Variants in ANGPT1 observed in about 807,000 individuals in gnomAD.
ANGPT1 encodes the protein angiopoietin 1.
ANGPT1 carries 17 observed loss-of-function variants against 62.2 expected under a neutral mutation model. The observed-to-expected ratio is 0.27, with a 90% confidence interval of 0.19 to 0.41. ANGPT1 has a LOEUF of 0.41. Ranked by LOEUF, ANGPT1 falls within the 10% of genes least tolerant of loss-of-function variation. The pLI is 1.00. For missense variants in ANGPT1, 478 were observed against 594.9 expected (o/e 0.80, Z 2.04); for synonymous variants, 199 against 198.9 (o/e 1.00, Z 0.00).
chr8:107,351,065 T>C (rs1158263769), intron 1 of ANGPT1, among the ~76,000 whole-genome samples: 1 of 152,152 alleles, frequency 6.6e-6, no homozygotes, highest in African/African-American at 2.4e-5. Context: ...ATGTGAATTT[T>C]AAGCCTAGAA....
chr8:107,453,798 TA>T (rs1172025114), intron 1 of ANGPT1, among the ~76,000 whole-genome samples: 1 of 151,832 alleles, frequency 6.6e-6, no homozygotes, highest in Non-Finnish European at 1.5e-5. Context: ...AAATGACTAT[TA>T]AATGAGGTGG....
In ANGPT1 at chr8:107,249,591, T is replaced by C. The variant is rs2129967209; in HGVS notation, c.*2264A>G. The C allele has an allele frequency of 6.9e-6, 1 of 144,878 alleles. No homozygotes were observed. Among genetic ancestry groups the C allele is most frequent in the Middle Eastern group, 4.0e-3 (1 of 252 alleles). The allele number at this position is 144,878 out of a possible 1,614,324, so 9.0% of individuals were successfully genotyped here. Reference sequence around the variant, plus strand: ...TTAAAGACAAAATTCGAATACCTAATTATCCTATTCTGAAACAATTAAAAG... The same window carrying C: ...TTAAAGACAAAATTCGAATACCTAACTATCCTATTCTGAAACAATTAAAAG... On this transcript the variant is annotated 3_prime_UTR_variant, in exon 9 of 9. Transcript: ENST00000517746.
At chr8:107,454,103 T>C (rs1363542740) in intron 1 of ANGPT1, among the ~76,000 whole-genome samples, 1 of 152,088 alleles carries the variant, frequency 6.6e-6, no homozygotes, top group Admixed American at 6.6e-5. Context: ...CCTAAAGTCC[T>C]ACCTATTTTC....
At chr8:107,390,620 G>A (rs550287400) in intron 1 of ANGPT1, among the ~76,000 whole-genome samples, 1 of 152,262 alleles carries the variant, frequency 6.6e-6, no homozygotes, top group African/African-American at 2.4e-5. Flanking sequence ...GGTACAGGAT[G>A]ATCAGAAAAT....
At chr8:107,475,154 T>C (rs1812482126) in intron 1 of ANGPT1, among the ~76,000 whole-genome samples, 1 of 152,136 alleles carries the variant, frequency 6.6e-6, no homozygotes, top group African/African-American at 2.4e-5. Flanking sequence ...AGAACAAAGC[T>C]GGAGGCATCA....
chr8:107,282,120 C>T (rs777554807), intron 7 of ANGPT1, among the ~76,000 whole-genome samples: 1 of 151,496 alleles, frequency 6.6e-6, no homozygotes, highest in Non-Finnish European at 1.5e-5. Flanking sequence ...TTTGAAAAAG[C>T]GAATAACACC....
intron 1 of ANGPT1, among the ~76,000 whole-genome samples, chr8:107,478,535 C>T (rs745966125): frequency 1.1e-4 from 16 of 151,884 alleles, no homozygotes; most frequent in Non-Finnish European, 2.1e-4. Context: ...GGCAACAGAG[C>T]GAGACTCCAT....
intron 1 of ANGPT1, among the ~76,000 whole-genome samples, chr8:107,411,985 T>C (rs1011919739): frequency 6.6e-6 from 1 of 152,194 alleles, no homozygotes; most frequent in Non-Finnish European, 1.5e-5. Context: ...TCTTGATTCT[T>C]ATTTGGGCTG....
chr8:107,463,132 C>T (rs1036075177), intron 1 of ANGPT1, among the ~76,000 whole-genome samples: 18 of 152,260 alleles, frequency 1.2e-4, no homozygotes, highest in Non-Finnish European at 4.4e-5. Context: ...TTCTGGTAGA[C>T]TCTTCACTGC....
At chr8:107,474,666 A>T (rs1356472322) in intron 1 of ANGPT1, among the ~76,000 whole-genome samples, 1 of 152,216 alleles carries the variant, frequency 6.6e-6, no homozygotes, top group South Asian at 2.1e-4. Context: ...AGATGACATG[A>T]TTGGATATCT....
Position 107,251,906 on chromosome 8 carries a change from G to A in ANGPT1, c.1446C>T (p.Pro482=). 2 of 1,613,936 alleles carry A rather than the reference G, an allele frequency of 1.2e-6. No individual in the cohort carries two copies. The highest frequency in any genetic ancestry group is 1.7e-6 in the Non-Finnish European group (2 of 1,179,874). ...NGIKWHYFKG[P]SYSLRSTTMM... ...TAGTTGTGGAACGTAAGGAGTAACTGGGCCCTTTGAAGTAGTGCCACTTTA... is the reference window on the plus strand; with the variant it reads ...TAGTTGTGGAACGTAAGGAGTAACTAGGCCCTTTGAAGTAGTGCCACTTTA... Residue 482 remains proline, a synonymous_variant, in exon 9 of 9, where the codon CCC becomes CCT. Coordinates refer to ENST00000517746, the MANE Select transcript of ANGPT1 (RefSeq NM_001146.5).
intron 4 of ANGPT1, among the ~76,000 whole-genome samples, chr8:107,303,715 T>A (rs1020252964): frequency 2.6e-5 from 4 of 151,836 alleles, no homozygotes; most frequent in African/African-American, 7.2e-5. Flanking sequence ...TCAAGTTTCC[T>A]GCAAAATCTC....
At chr8:107,407,331 T>A (rs887117875) in intron 1 of ANGPT1, among the ~76,000 whole-genome samples, 1 of 151,674 alleles carries the variant, frequency 6.6e-6, no homozygotes, top group African/African-American at 2.4e-5. Context: ...AATGCATAAT[T>A]CAAAAAAATC....
rs528521230 is a variant in ANGPT1 at position 107,386,163 on chromosome 8, T to C, written c.298-39066A>G. ...CAGGAACAGAAAAGCAAACACTACA[T>C]GTTCTTACTGTTAAATGGGCTAAAC... On this transcript the variant is annotated intron_variant, in intron 1 of 8. Coordinates refer to ENST00000517746, the MANE Select transcript of ANGPT1 (RefSeq NM_001146.5). Among the ~76,000 whole-genome samples the C allele has an allele frequency of 5.3e-5, 8 of 152,150 alleles. No homozygotes were observed. The South Asian group carries it at 1.7e-3, about 32-fold the overall frequency.
intron 2 of ANGPT1, among the ~76,000 whole-genome samples, chr8:107,339,931 C>T (rs73701100): frequency 3.6e-4 from 55 of 152,122 alleles, no homozygotes; most frequent in African/African-American, 5.8e-4. Flanking sequence ...GGCTAAATGC[C>T]GATCTAAAGA....
Position 107,457,825 on chromosome 8 carries a change from T to TACAC in ANGPT1, c.297+39433_297+39436dup, listed in dbSNP as rs148742634. The stretch of plus-strand genomic sequence containing the variant: ...TCACACTCACCCCACACATACCCAC[T>TACAC]ACACACACACACACACACACACACA... On this transcript the variant is annotated intron_variant, in intron 1 of 8. Coordinates refer to ENST00000517746, the MANE Select transcript of ANGPT1 (RefSeq NM_001146.5). 8.0e-3 allele frequency among the ~76,000 whole-genome samples: 655 copies of TACAC among 81,732 alleles called. 4 individuals carry two copies. The highest frequency in any genetic ancestry group is 0.019 in the South Asian group (50 of 2,662). 53.6% of individuals were successfully genotyped at this position (81,732 alleles called of 152,430 possible).
intron 1 of ANGPT1, among the ~76,000 whole-genome samples, chr8:107,362,917 A>G (rs1407525268): frequency 1.3e-5 from 2 of 152,162 alleles, no homozygotes; most frequent in East Asian, 3.9e-4. Context: ...AGTTGTAAGA[A>G]TTTCTCATAT....
At chr8:107,266,330 G>C (rs1813613415) in intron 7 of ANGPT1, among the ~76,000 whole-genome samples, 1 of 152,168 alleles carries the variant, frequency 6.6e-6, no homozygotes, top group Non-Finnish European at 1.5e-5. Context: ...GCCTCCCAAA[G>C]ATAGACACAC....
chr8:107,403,160 G>GC (rs1467355411), intron 1 of ANGPT1, among the ~76,000 whole-genome samples: 9 of 152,128 alleles, frequency 5.9e-5, no homozygotes, highest in African/African-American at 2.2e-4. Flanking sequence ...GATTGACATA[G>GC]TTTTTTTCTT....
Sources: gnomAD v4.1 joint callset for allele counts (sites outside exome capture counted in the v4.1 genomes callset) on GRCh38, gnomAD v4.1.1 for gene constraint, MANE v1.5 for transcripts, NCBI Gene and HGNC (gene_info 2026-07-23, HGNC 2026-07-21) for gene names.